Variants in RBM44 observed in about 807,000 individuals in gnomAD.
RBM44 encodes the protein RNA-binding protein 44.
A neutral mutation model predicts 105.1 loss-of-function variants in RBM44; 66 were observed. The observed-to-expected ratio is 0.63, with a 90% confidence interval of 0.52 to 0.77. RBM44 has a LOEUF of 0.77. Ranked by LOEUF, RBM44 falls within the 30% of genes least tolerant of loss-of-function variation. RBM44 has a pLI of 0.00. For missense variants in RBM44, 1,122 were observed against 1,207.8 expected, an observed-to-expected ratio of 0.93 and a Z score of 1.05; for synonymous variants, 365 against 417.6, an observed-to-expected ratio of 0.87 and a Z score of 1.54.
rs955769945 is a variant in RBM44, at chr2:237,820,118, T to C, written c.1737-57T>C. 2.6e-5 allele frequency: 25 copies of C among 966,018 alleles called. No homozygotes were observed. In the African/African-American group the frequency reaches 4.1e-4, roughly 16 times the overall value. 59.8% of individuals were successfully genotyped at this position (966,018 alleles called of 1,614,324 possible). On this transcript the variant is annotated intron_variant, in intron 4 of 15. Coordinates refer to ENST00000316997, the MANE Select transcript of RBM44 (RefSeq NM_001080504.3). The stretch of plus-strand genomic sequence containing the variant: ...TTTAAAATCTGTTTCTGGAGGCATG[T>C]TATTACTATAGAAAAATGTTTGGAA...
intron 1 of RBM44, among the ~76,000 whole-genome samples, chr2:237,802,306 A>G (rs1264771849): frequency 6.6e-6 from 1 of 152,230 alleles, no homozygotes; most frequent in Non-Finnish European, 1.5e-5. Flanking sequence ...CAGCAGCAGC[A>G]TTAGATTCTC....
chr2:237,806,963 T>C (rs1010677394), intron 1 of RBM44, among the ~76,000 whole-genome samples: 1 of 152,226 alleles, frequency 6.6e-6, no homozygotes, highest in Non-Finnish European at 1.5e-5. Context: ...TGTTATCTTT[T>C]TCATAAATTC....
At chr2:237,807,212 A>G (rs2061608216) in intron 1 of RBM44, among the ~76,000 whole-genome samples, 1 of 152,106 alleles carries the variant, frequency 6.6e-6, no homozygotes, top group South Asian at 2.1e-4. Flanking sequence ...GCAGTGGTGC[A>G]ATCTTGGCTC....
intron 8 of RBM44, among the ~76,000 whole-genome samples, chr2:237,822,423 T>G (rs2061802655): frequency 6.6e-6 from 1 of 152,096 alleles, no homozygotes; most frequent in South Asian, 2.1e-4. Context: ...TTGGTTATAT[T>G]CTATTATTGA....
At chr2:237,811,741 TCA>T (rs1049610589) in intron 1 of RBM44, among the ~76,000 whole-genome samples, 21 of 152,298 alleles carry the variant, frequency 1.4e-4, no homozygotes, top group Middle Eastern at 3.4e-3. Context: ...AAATTATCCT[TCA>T]GTGGCATACA....
At position 237,803,226 on chromosome 2, in the gene RBM44, C is replaced by A. The variant is rs1342606647; in HGVS notation, c.-19+4365C>A. ...GGGTTGCAGTGAGCCAAGATCACAC[C>A]ACTGCACTCCAGCCTGGGCGACAGA... On this transcript the variant is annotated intron_variant, in intron 1 of 15. Transcript: ENST00000316997. The surrounding 1 kb of genome is among the most constrained non-coding windows in gnomAD (Gnocchi z 4.2). 6.6e-6 allele frequency among the ~76,000 whole-genome samples: 1 copy of A among 152,006 alleles called. No homozygotes were observed. Among genetic ancestry groups the A allele is most frequent in the Non-Finnish European group, 1.5e-5 (1 of 67,998 alleles).
chr2:237,832,830 T>C (rs570873596), intron 13 of RBM44, among the ~76,000 whole-genome samples: 1 of 152,360 alleles, frequency 6.6e-6, no homozygotes, highest in East Asian at 1.9e-4. Context: ...TGCCACTTAC[T>C]CACCATGTGA....
chr2:237,803,477 A>T lies in RBM44; in HGVS notation c.-19+4616A>T, dbSNP rs904435019. Among the ~76,000 whole-genome samples the T allele has an allele frequency of 1.3e-4, 20 of 152,206 alleles. No individual in the cohort carries two copies. The highest frequency in any genetic ancestry group is 2.5e-4 in the Non-Finnish European group (17 of 68,030). ...TGTTGAGCATGTTTTCATACCTATA[A>T]GCAATTTAAAAAATCTATTTGTACA... On this transcript the variant is annotated intron_variant, in intron 1 of 15. Coordinates refer to ENST00000316997, the MANE Select transcript of RBM44 (RefSeq NM_001080504.3). The surrounding 1 kb of genome is among the most constrained non-coding windows in gnomAD (Gnocchi z 4.2).
chr2:237,830,124 T>G (rs80255280), intron 13 of RBM44, among the ~76,000 whole-genome samples: 2 of 152,200 alleles, frequency 1.3e-5, no homozygotes, highest in Non-Finnish European at 2.9e-5. Context: ...GAGAATTATC[T>G]TGTGCTCTGA....
intron 8 of RBM44, among the ~76,000 whole-genome samples, chr2:237,822,281 T>C (rs1467712377): frequency 6.6e-6 from 1 of 152,108 alleles, no homozygotes; most frequent in Admixed American, 6.6e-5. Context: ...ATGAAAATCA[T>C]TTTTAAATGC....
chr2:237,817,346 G>T lies in RBM44; in HGVS notation c.427G>T (p.Val143Phe), dbSNP rs777213463. 10 of 1,600,500 alleles carry T rather than the reference G, an allele frequency of 6.2e-6. No homozygotes were observed. Among genetic ancestry groups the T allele is most frequent in the Admixed American group, 1.8e-5 (1 of 56,648 alleles). Reference protein sequence around the residue: ...LDPEVQKKEEVFFNILEHQDK... With the variant: ...LDPEVQKKEEFFFNILEHQDK... ...TCCTGAAGTGCAGAAAAAAGAGGAG[G>T]TTTTTTTTAATATTTTGGAACATCA... Residue 143 changes from valine (V) to phenylalanine (F), a missense_variant, in exon 3 of 16, where the codon GTT becomes TTT. Val to Phe is a conservative substitution (Grantham distance 50, BLOSUM62 -1). Around this residue, in one of 3 missense-constraint regions of RBM44, gnomAD observed 918 missense variants for 955.3 expected, o/e 0.96. Transcript: ENST00000316997.
intron 5 of RBM44, 38 bp from the exon 6 acceptor site, chr2:237,821,033 C>A (rs765895978): frequency 6.8e-7 from 1 of 1,472,382 alleles, no homozygotes; most frequent in Admixed American, 2.3e-5. Context: ...TGACTTAGGC[C>A]TAAATAATTT....
chr2:237,824,195 G>T, intron 9 of RBM44, 96 bp from the exon 10 acceptor site: 1 of 1,101,232 alleles, frequency 9.1e-7, no homozygotes. Context: ...AACTCTAGTA[G>T]TCATCATCGT....
intron 1 of RBM44, among the ~76,000 whole-genome samples, chr2:237,802,371 C>G (rs2150965329): frequency 6.6e-6 from 1 of 152,296 alleles, no homozygotes; most frequent in African/African-American, 2.4e-5. Context: ...AGGTTTCGTG[C>G]TACCTATGAG....
At chr2:237,840,529 C>A (rs1220315083) in intron 15 of RBM44, among the ~76,000 whole-genome samples, 1 of 152,090 alleles carries the variant, frequency 6.6e-6, no homozygotes, top group Non-Finnish European at 1.5e-5. Flanking sequence ...GCCAAGATTT[C>A]ATGATGAAGA....
In RBM44 at chr2:237,817,353, T is replaced by C. The variant is rs2061730412; in HGVS notation, c.434T>C (p.Phe145Ser). The C allele has an allele frequency of 1.2e-6, 2 of 1,601,192 alleles. No homozygotes were observed. The highest frequency in any genetic ancestry group is 1.7e-6 in the Non-Finnish European group (2 of 1,174,848). Residue 145 changes from phenylalanine to serine, a missense_variant, in exon 3 of 16, where the codon TTT (phenylalanine) becomes TCT (serine). By Grantham distance (155) the Phe-to-Ser change is radical. Around this residue, in one of 3 missense-constraint regions of RBM44, gnomAD observed 918 missense variants for 955.3 expected, o/e 0.96. Transcript: ENST00000316997. ...GTGCAGAAAAAAGAGGAGGTTTTTTTTAATATTTTGGAACATCAAGATAAG... is the reference window on the plus strand; with the variant it reads ...GTGCAGAAAAAAGAGGAGGTTTTTTCTAATATTTTGGAACATCAAGATAAG... ...PEVQKKEEVF[F>S]NILEHQDKTV...
chr2:237,824,250 CGT>C, intron 9 of RBM44, 39 bp from the exon 10 acceptor site: 1 of 1,605,412 alleles, frequency 6.2e-7, no homozygotes, highest in South Asian at 1.1e-5. Context: ...GTGTGTTGGA[CGT>C]TACGTGTCAT....
chr2:237,824,089 A>G (rs1241634327), intron 9 of RBM44, among the ~76,000 whole-genome samples: 1 of 152,190 alleles, frequency 6.6e-6, no homozygotes, highest in African/African-American at 2.4e-5. Flanking sequence ...ACTGAAAGCA[A>G]CTTTTTATTC....
intron 1 of RBM44, among the ~76,000 whole-genome samples, chr2:237,800,918 C>T (rs1471029848): frequency 6.6e-6 from 1 of 152,224 alleles, no homozygotes; most frequent in Non-Finnish European, 1.5e-5. Flanking sequence ...GGGTTTTCAC[C>T]GTGTTGGCCA....
Sources: allele counts gnomAD v4.1 joint callset (sites outside exome capture counted in the v4.1 genomes callset), GRCh38; gene constraint gnomAD v4.1.1; regional missense constraint gnomAD v4.1.1; non-coding constraint Gnocchi (gnomAD v3.1); transcripts MANE v1.5; gene names NCBI Gene and HGNC (gene_info 2026-07-23, HGNC 2026-07-21).